Variants in HNRNPC observed in about 807,000 individuals in gnomAD.
The protein encoded by HNRNPC is heterogeneous nuclear ribonucleoproteins C1/C2.
In HNRNPC, 3 loss-of-function variants were observed where a neutral mutation model predicts 33.2. The observed-to-expected ratio is 0.09, with a 90% CI of 0.04 to 0.23. The LOEUF is 0.23. HNRNPC is among the 10% of genes least tolerant of loss of function. HNRNPC has a pLI of 1.00. For missense variants in HNRNPC, 143 were observed against 366.7 expected (o/e 0.39, Z 4.98); for synonymous variants, 121 against 126.7 (o/e 0.96, Z 0.30).
chr14:21,253,855 G>C (rs887540036), intron 2 of HNRNPC, among the ~76,000 whole-genome samples: 5 of 151,870 alleles, frequency 3.3e-5, no homozygotes, highest in Admixed American at 3.3e-4. Context: ...CACGAGGTCA[G>C]CAAATCGACA....
chr14:21,267,121 A>T (rs56237389), intron 1 of HNRNPC, among the ~76,000 whole-genome samples: 1 of 125,820 alleles, frequency 7.9e-6, no homozygotes, highest in African/African-American at 3.0e-5. Flanking sequence ...AAAAAAAAAA[A>T]AAAAAACAAA....
chr14:21,231,480 A>AG, intron 3 of HNRNPC: 2 of 446,282 alleles, frequency 4.5e-6, no homozygotes, highest in South Asian at 3.1e-5. Context: ...CCCAAGTAGC[A>AG]GGGACCACCA....
chr14:21,269,058 AG>A (rs1250937357), intron 1 of HNRNPC, among the ~76,000 whole-genome samples: 2 of 152,216 alleles, frequency 1.3e-5, no homozygotes, highest in Admixed American at 6.5e-5. Flanking sequence ...CCGTTAACAC[AG>A]GAAGAGCGAA....
intron 2 of HNRNPC, 36 bp from the exon 3 acceptor site, chr14:21,234,265 G>A: frequency 6.5e-7 from 1 of 1,541,882 alleles, no homozygotes. Flanking sequence ...GTGAACAGAT[G>A]CTAAAAACAA....
Position 21,234,241 on chromosome 14 carries a change from A to T in HNRNPC, c.-36-12T>A. 1.2e-6 allele frequency: 2 copies of T among 1,600,284 alleles called. No homozygotes were observed. Among genetic ancestry groups the T allele is most frequent in the Non-Finnish European group, 1.7e-6 (2 of 1,172,826 alleles). On this transcript the variant is annotated splice_polypyrimidine_tract_variant and intron_variant, in intron 2 of 8. Transcript: ENST00000553300. Reference sequence around the variant, plus strand: ...CACAAAGCCGAAAACTGTAAAGCAAAAAAAAGTATACAGGTGAACAGATGC... The same window carrying T: ...CACAAAGCCGAAAACTGTAAAGCAATAAAAAGTATACAGGTGAACAGATGC...
intron 5 of HNRNPC, among the ~76,000 whole-genome samples, chr14:21,228,998 T>C (rs1457159160): frequency 3.4e-5 from 5 of 148,924 alleles, no homozygotes; most frequent in South Asian, 2.1e-4. Context: ...GGCAGGAGAA[T>C]TGCTTCAACC....
intron 5 of HNRNPC, among the ~76,000 whole-genome samples, chr14:21,228,388 TTTTTA>T (rs1217750271): frequency 1.3e-5 from 2 of 152,144 alleles, no homozygotes; most frequent in African/African-American, 4.8e-5. Flanking sequence ...TCTCCATTGA[TTTTTA>T]TTTTGTTTTA....
chr14:21,217,931 A>G (rs1892370867), intron 5 of HNRNPC, among the ~76,000 whole-genome samples: 1 of 152,236 alleles, frequency 6.6e-6, no homozygotes, highest in African/African-American at 2.4e-5. Context: ...AATGCACCTG[A>G]AAACTTTCTC....
intron 5 of HNRNPC, among the ~76,000 whole-genome samples, chr14:21,213,916 T>C (rs1390213272): frequency 6.6e-6 from 1 of 152,196 alleles, no homozygotes; most frequent in Non-Finnish European, 1.5e-5. Flanking sequence ...CTATTAGAAA[T>C]CTTAATTTCA....
intron 5 of HNRNPC, among the ~76,000 whole-genome samples, chr14:21,217,450 G>A (rs2139496818): frequency 6.6e-6 from 1 of 152,180 alleles, no homozygotes; most frequent in South Asian, 2.1e-4. Flanking sequence ...GCTATACAAG[G>A]TATTCACCAC....
intron 6 of HNRNPC, among the ~76,000 whole-genome samples, chr14:21,212,539 T>C (rs1391253287): frequency 1.3e-5 from 2 of 152,046 alleles, no homozygotes; most frequent in Non-Finnish European, 2.9e-5. Context: ...TCCTCTGTTA[T>C]TTTGGATTTT....
chr14:21,238,088 C>A (rs1285232254), intron 2 of HNRNPC, among the ~76,000 whole-genome samples: 2 of 152,102 alleles, frequency 1.3e-5, no homozygotes, highest in Non-Finnish European at 2.9e-5. Context: ...CATTTTCTTG[C>A]CTTGTTACTC....
At chr14:21,222,267 G>C (rs1026280088) in intron 5 of HNRNPC, among the ~76,000 whole-genome samples, 3 of 152,124 alleles carry the variant, frequency 2.0e-5, no homozygotes, top group Admixed American at 6.5e-5. Context: ...TGGTCAGGTT[G>C]ACCATATAAT....
intron 2 of HNRNPC, among the ~76,000 whole-genome samples, chr14:21,247,599 C>G (rs1216990691): frequency 1.3e-5 from 2 of 151,918 alleles, no homozygotes; most frequent in Non-Finnish European, 2.9e-5. Context: ...AAAAATAAAT[C>G]AAAATTTTAG....
At chr14:21,254,312 AACT>A (rs1876745590) in intron 2 of HNRNPC, among the ~76,000 whole-genome samples, 1 of 152,108 alleles carries the variant, frequency 6.6e-6, no homozygotes, top group Admixed American at 6.5e-5. Context: ...AATACTATGT[AACT>A]ACTACAAATT....
At chr14:21,264,646 G>A (rs186500127) in intron 1 of HNRNPC, 127 of 152,282 alleles carry the variant, frequency 8.3e-4, no homozygotes, top group Middle Eastern at 3.4e-3. Flanking sequence ...CAATTAGACT[G>A]TAGTTCCTTG....
At chr14:21,234,314 C>T (rs892043769) in intron 2 of HNRNPC, 85 bp from the exon 3 acceptor site, 1 of 1,238,456 alleles carries the variant, frequency 8.1e-7, no homozygotes, top group Admixed American at 2.3e-5. Context: ...CACTCTGAAT[C>T]ACTGTTAACT....
intron 6 of HNRNPC, among the ~76,000 whole-genome samples, chr14:21,212,256 T>TC (rs889603586): frequency 1.1e-4 from 17 of 151,934 alleles, no homozygotes; most frequent in African/African-American, 4.1e-4. Flanking sequence ...GGTCTTAGCC[T>TC]CCCCCTAAGC....
chr14:21,240,453 G>A (rs1895212835), intron 2 of HNRNPC, among the ~76,000 whole-genome samples: 1 of 152,096 alleles, frequency 6.6e-6, no homozygotes, highest in East Asian at 1.9e-4. Context: ...TAAATCTCAA[G>A]TAATTCAATT....
Sources: gnomAD v4.1 joint callset for allele counts (sites outside exome capture counted in the v4.1 genomes callset) on GRCh38, gnomAD v4.1.1 for gene constraint, MANE v1.5 for transcripts, NCBI Gene and HGNC (gene_info 2026-07-23, HGNC 2026-07-21) for gene names.